The following NXPE3 variants were observed in gnomAD, a reference collection of about 807,000 sequenced individuals.
NXPE3 encodes NXPE family member 3.
In NXPE3, 26 loss-of-function variants were observed where a neutral mutation model predicts 46.1. The observed-to-expected ratio is 0.56, with a 90% confidence interval of 0.41 to 0.78. NXPE3 has a LOEUF of 0.78. Ranked by LOEUF, NXPE3 falls within the 30% of genes least tolerant of loss-of-function variation. The pLI is 0.00. For missense variants in NXPE3, 620 were observed against 686.0 expected, an observed-to-expected ratio of 0.90 and a Z score of 1.07; for synonymous variants, 272 against 257.9, an observed-to-expected ratio of 1.05 and a Z score of -0.52.
rs1942365689 is a variant in NXPE3 at position 101,823,788 on chromosome 3, A to G, written c.*1834A>G. On this transcript the variant is annotated 3_prime_UTR_variant, in exon 8 of 8. Transcript: ENST00000273347. ...CTCTAAAAAATTTTTGTTAAATAAT[A>G]AAAGAATTAAGGCCAGGGATGTTGG... 6.6e-6 allele frequency: 1 copy of G among 152,016 alleles called. No individual in the cohort carries two copies. Among genetic ancestry groups the G allele is most frequent in the Admixed American group, 6.6e-5 (1 of 15,260 alleles). The allele number at this position is 152,016 out of a possible 1,614,324, so 9.4% of individuals were successfully genotyped here. A position where few individuals can be genotyped will look rare whatever the true frequency, so the allele number is the denominator to read the frequency against.
chr3:101,782,013 T>A (rs1438392915), intron 1 of NXPE3, 97 bp from the exon 2 acceptor site: 1 of 152,208 alleles, frequency 6.6e-6, no homozygotes, highest in Non-Finnish European at 1.5e-5. Flanking sequence ...TGTATAACTC[T>A]CTTGCCTGTA....
At position 101,785,625 on chromosome 3, in the gene NXPE3, T is replaced by G; in HGVS notation, c.29T>G (p.Leu10Arg). 6.2e-7 allele frequency: 1 copy of G among 1,614,090 alleles called. No homozygotes were observed. The highest frequency in any genetic ancestry group is 8.5e-7 in the Non-Finnish European group (1 of 1,179,984). Residue 10 changes from leucine to arginine, a missense_variant, in exon 4 of 8, where the codon CTT (leucine) becomes CGT (arginine). By Grantham distance (102) the Leu-to-Arg change is moderately radical (BLOSUM62 -2). Coordinates refer to ENST00000273347, the MANE Select transcript of NXPE3 (RefSeq NM_145037.4). MWTNFFKLR[L>R]FCCLLAVLMV... The stretch of plus-strand genomic sequence containing the variant: ...TGGACCAATTTCTTCAAACTACGGC[T>G]TTTCTGCTGTCTGCTTGCAGTGTTG...
Position 101,782,723 on chromosome 3 carries a change from G to T in NXPE3, c.-253G>T. The stretch of plus-strand genomic sequence containing the variant: ...GATGATCATGGTTCACTGCAGCCTC[G>T]ACCTCCCAGGCTCAAGCAATTCTCC... On this transcript the variant is annotated 5_prime_UTR_variant, in exon 3 of 8. Coordinates refer to ENST00000273347, the MANE Select transcript of NXPE3 (RefSeq NM_145037.4). The T allele has an allele frequency of 6.6e-6, 1 of 151,778 alleles. No homozygotes were observed. Among genetic ancestry groups the T allele is most frequent in the South Asian group, 2.1e-4 (1 of 4,810 alleles). 9.4% of individuals were successfully genotyped at this position (151,778 alleles called of 1,614,324 possible). A position where few individuals can be genotyped will look rare whatever the true frequency, so the allele number is the denominator to read the frequency against.
intron 5 of NXPE3, among the ~76,000 whole-genome samples, chr3:101,806,129 C>A (rs753161903): frequency 8.7e-4 from 133 of 152,146 alleles, no homozygotes; most frequent in African/African-American, 2.3e-3. Flanking sequence ...ACTGTAGTAG[C>A]CCTGGATTCT....
intron 4 of NXPE3, among the ~76,000 whole-genome samples, chr3:101,786,431 C>T (rs762374603): frequency 9.2e-5 from 14 of 152,196 alleles, no homozygotes; most frequent in Admixed American, 3.9e-4. Context: ...AAAATTTCTC[C>T]TGCTGGAATC....
Position 101,808,486 on chromosome 3 carries a change from C to T in NXPE3, c.922+1360C>T, listed in dbSNP as rs1485759942. ...AGGAACTGAAGAGCAAGGACCATCT[C>T]AAGGGGCAGCCTCTTTTCAGTTTCT... On this transcript the variant is annotated intron_variant, in intron 6 of 7. Coordinates refer to ENST00000273347, the MANE Select transcript of NXPE3 (RefSeq NM_145037.4). Among the ~76,000 whole-genome samples, 5 of 152,082 alleles carry T rather than the reference C, an allele frequency of 3.3e-5. No homozygotes were observed. In the East Asian group the frequency reaches 7.7e-4, roughly 24 times the overall value.
chr3:101,804,653 T>C (rs1056450668), intron 5 of NXPE3, among the ~76,000 whole-genome samples: 1 of 151,864 alleles, frequency 6.6e-6, no homozygotes, highest in Admixed American at 6.5e-5. Context: ...TATGTTGAGC[T>C]GATATCCTTT....
Position 101,815,214 on chromosome 3 carries a change from G to A in NXPE3, c.923-1581G>A, listed in dbSNP as rs556181619. Among the ~76,000 whole-genome samples the A allele has an allele frequency of 1.1e-4, 16 of 152,306 alleles. No individual in the cohort carries two copies. In the South Asian group the frequency reaches 3.3e-3, roughly 32 times the overall value. On this transcript the variant is annotated intron_variant, in intron 6 of 7. Transcript: ENST00000273347. ...AGGTTACAACCAGGAGGTACACATT[G>A]GTGATGTATTTTTAGCATTGTTCAT...
Position 101,807,137 on chromosome 3 carries a change from G to T in NXPE3, c.922+11G>T. On this transcript the variant is annotated intron_variant, in intron 6 of 7. Coordinates refer to ENST00000273347, the MANE Select transcript of NXPE3 (RefSeq NM_145037.4). The stretch of plus-strand genomic sequence containing the variant: ...CCAGGAGAATAAAAGGTAAAAAAAA[G>T]AATAAGCTTGATGATTTGTTGTTTT... 1 of 1,596,644 alleles carries T rather than the reference G, an allele frequency of 6.3e-7. No individual in the cohort carries two copies. The highest frequency in any genetic ancestry group is 1.1e-5 in the South Asian group (1 of 90,524).
chr3:101,821,589 G>C lies in NXPE3; in HGVS notation c.1315G>C (p.Val439Leu), dbSNP rs1942252471. The stretch of plus-strand genomic sequence containing the variant: ...TGGCATTGTGGGAGGGAAGAACACA[G>C]TGGTTGCCATAGCTGTATGGTCTCA... Reference protein sequence around the residue: ...LNGIVGGKNTVVAIAVWSHFS... With the variant: ...LNGIVGGKNTLVAIAVWSHFS... The change falls in exon 8 of 8, where the codon GTG becomes CTG. Residue 439 changes from valine to leucine, a missense_variant. This residue lies in a region of NXPE3 where 511 missense variants were observed against 528.6 expected (regional missense o/e 0.97). Coordinates refer to ENST00000273347, the MANE Select transcript of NXPE3 (RefSeq NM_145037.4). 6.2e-7 allele frequency: 1 copy of C among 1,614,220 alleles called. No individual in the cohort carries two copies. The highest frequency in any genetic ancestry group is 8.5e-7 in the Non-Finnish European group (1 of 1,180,032).
chr3:101,812,804 T>C (rs1346841803), intron 6 of NXPE3, among the ~76,000 whole-genome samples: 1 of 87,526 alleles, frequency 1.1e-5, no homozygotes, highest in African/African-American at 4.6e-5. Context: ...AGAGTGAGAC[T>C]CCGTCTCAAA....
At chr3:101,806,103 G>A (rs1490149619) in intron 5 of NXPE3, among the ~76,000 whole-genome samples, 2 of 152,074 alleles carry the variant, frequency 1.3e-5, no homozygotes, top group Non-Finnish European at 2.9e-5. Flanking sequence ...AGAAGGAGAT[G>A]CTGTGTGTTT....
At position 101,816,949 on chromosome 3, in the gene NXPE3, T is replaced by A; in HGVS notation, c.1077T>A (p.Phe359Leu). The change falls in exon 7 of 8, where the codon TTT becomes TTA. Residue 359 changes from phenylalanine to leucine, a missense_variant. Around this residue, in one of 3 missense-constraint regions of NXPE3, gnomAD observed 511 missense variants for 528.6 expected, o/e 0.97. Coordinates refer to ENST00000273347, the MANE Select transcript of NXPE3 (RefSeq NM_145037.4). ...TACAAAGAAAAGTGGTGCATTTATT[T>A]GGTGACTCAACAATCAGGCAATGGT... is the stretch of plus-strand genomic sequence containing the variant. ...ECLQRKVVHLFGDSTIRQWFE... is the reference protein window; with the variant it reads ...ECLQRKVVHLLGDSTIRQWFE... 1 of 1,614,190 alleles carries A rather than the reference T, an allele frequency of 6.2e-7. No homozygotes were observed. The highest frequency in any genetic ancestry group is 8.5e-7 in the Non-Finnish European group (1 of 1,180,032).
chr3:101,807,662 C>A (rs1407036567), intron 6 of NXPE3, among the ~76,000 whole-genome samples: 1 of 151,804 alleles, frequency 6.6e-6, no homozygotes, highest in Non-Finnish European at 1.5e-5. Context: ...CTCTTGCCAG[C>A]CCTCTTCTGT....
At chr3:101,794,103 A>G (rs1246307617) in intron 4 of NXPE3, among the ~76,000 whole-genome samples, 10 of 136,610 alleles carry the variant, frequency 7.3e-5, no homozygotes, top group Admixed American at 7.3e-4. Flanking sequence ...TGTTTCATGT[A>G]TTTTGCCTTT....
chr3:101,808,902 G>A (rs781023184), intron 6 of NXPE3, among the ~76,000 whole-genome samples: 4 of 136,956 alleles, frequency 2.9e-5, no homozygotes, highest in Non-Finnish European at 6.2e-5. Flanking sequence ...CTGAGGTCAA[G>A]ATGTCAGTAG....
rs555449298 is a variant in NXPE3 at position 101,794,526 on chromosome 3, C to T, written c.94-6709C>T. On this transcript the variant is annotated intron_variant, in intron 4 of 7. Transcript: ENST00000273347. Reference sequence around the variant, plus strand: ...AAATAATGGTTTTCTAGATGGAGTTCGAAATAATGGATTTCTAGATGGAGT... The same window carrying T: ...AAATAATGGTTTTCTAGATGGAGTTTGAAATAATGGATTTCTAGATGGAGT... Among the ~76,000 whole-genome samples the T allele has an allele frequency of 3.9e-5, 6 of 152,000 alleles. No homozygotes were observed. In the South Asian group the frequency reaches 6.2e-4, roughly 16 times the overall value.
At chr3:101,794,491 G>A (rs1032153381) in intron 4 of NXPE3, among the ~76,000 whole-genome samples, 3 of 152,164 alleles carry the variant, frequency 2.0e-5, no homozygotes, top group African/African-American at 7.2e-5. Flanking sequence ...GGAGGTTTGT[G>A]TGGGACTTGA....
At chr3:101,807,370 A>T (rs1432465056) in intron 6 of NXPE3, among the ~76,000 whole-genome samples, 1 of 151,958 alleles carries the variant, frequency 6.6e-6, no homozygotes, top group Non-Finnish European at 1.5e-5. Flanking sequence ...CCTAGGCTGG[A>T]GTGCAGTGGC....
Sources: allele counts gnomAD v4.1 joint callset (sites outside exome capture counted in the v4.1 genomes callset), GRCh38; gene constraint gnomAD v4.1.1; regional missense constraint gnomAD v4.1.1; transcripts MANE v1.5; gene names NCBI Gene and HGNC (gene_info 2026-07-23, HGNC 2026-07-21).